The following RBFOX1 variants were observed in gnomAD, a reference collection of about 807,000 sequenced individuals.
RBFOX1 encodes RNA binding fox-1 homolog 1.
Under a neutral mutation model 57.7 loss-of-function variants are expected in RBFOX1, and 8 were observed. The observed-to-expected ratio is 0.14, with a 90% CI of 0.08 to 0.25. The LOEUF (loss-of-function observed/expected upper bound fraction) is 0.25. RBFOX1 is among the 10% of genes least tolerant of loss of function. RBFOX1 has a pLI of 1.00. For missense variants in RBFOX1, 611 were observed against 548.5 expected, an observed-to-expected ratio of 1.11 and a Z score of -1.14; for synonymous variants, 326 against 222.4, an observed-to-expected ratio of 1.47 and a Z score of -4.15.
chr16:6,227,881 G>A (rs111822259), intron 1 of RBFOX1, among the ~76,000 whole-genome samples: 2 of 152,250 alleles, frequency 1.3e-5, no homozygotes, highest in Non-Finnish European at 2.9e-5. Flanking sequence ...CAGTAGGGAG[G>A]TTCCTCAAAA....
intron 4 of RBFOX1, among the ~76,000 whole-genome samples, chr16:7,082,923 T>C (rs1413064597): frequency 1.3e-5 from 2 of 152,198 alleles, no homozygotes; most frequent in African/African-American, 2.4e-5. Flanking sequence ...CAACAAGAGT[T>C]GTAAATGTTT....
chr16:7,368,516 C>T (rs1489078616), intron 4 of RBFOX1, among the ~76,000 whole-genome samples: 1 of 151,974 alleles, frequency 6.6e-6, no homozygotes, highest in Non-Finnish European at 1.5e-5. Context: ...CAGTGGCTCA[C>T]ACCTGTAATC....
chr16:6,672,313 A>G (rs116454315), intron 3 of RBFOX1, among the ~76,000 whole-genome samples: 2,297 of 152,020 alleles, frequency 0.015, 36 homozygotes, highest in African/African-American at 0.048. Flanking sequence ...AAATAACCAT[A>G]CAAATATTGT....
chr16:7,122,268 C>G (rs1487945609), intron 4 of RBFOX1, among the ~76,000 whole-genome samples: 5 of 152,048 alleles, frequency 3.3e-5, no homozygotes, highest in Admixed American at 2.6e-4. Flanking sequence ...TGTTCAGTAT[C>G]TAGAATATAT....
At chr16:5,881,978 C>A (rs1398013893) in intron 4 of RBFOX1, among the ~76,000 whole-genome samples, 1 of 152,152 alleles carries the variant, frequency 6.6e-6, no homozygotes, top group African/African-American at 2.4e-5. Context: ...TCCCTTGGTG[C>A]CAGGTTTATT....
chr16:7,522,341 T>G (rs114833722), intron 5 of RBFOX1, among the ~76,000 whole-genome samples: 272 of 152,192 alleles, frequency 1.8e-3, no homozygotes, highest in African/African-American at 6.1e-3. Flanking sequence ...GAGGAACTAT[T>G]GAGTAAGACA....
chr16:5,640,367 A>G (rs2048818973), intron 3 of RBFOX1, among the ~76,000 whole-genome samples: 2 of 152,100 alleles, frequency 1.3e-5, no homozygotes, highest in Non-Finnish European at 2.9e-5. Flanking sequence ...GCATGTATGC[A>G]CATGTACATC....
intron 2 of RBFOX1, among the ~76,000 whole-genome samples, chr16:6,350,655 G>A (rs935507209): frequency 3.9e-5 from 6 of 152,054 alleles, no homozygotes; most frequent in Admixed American, 3.9e-4. Flanking sequence ...TCACTTCTCT[G>A]TTGATAATCA....
intron 4 of RBFOX1, among the ~76,000 whole-genome samples, chr16:7,310,104 C>G (rs939988148): frequency 1.3e-5 from 2 of 152,188 alleles, no homozygotes; most frequent in Non-Finnish European, 2.9e-5. Flanking sequence ...AGCTCTCAGG[C>G]ACAATGGCCC....
At chr16:6,573,210 A>G (rs2153956084) in intron 2 of RBFOX1, among the ~76,000 whole-genome samples, 1 of 152,260 alleles carries the variant, frequency 6.6e-6, no homozygotes, top group South Asian at 2.1e-4. Flanking sequence ...CTTTCAGTAG[A>G]CAACGTTAAA....
chr16:7,167,918 G>T (rs181655399), intron 4 of RBFOX1, among the ~76,000 whole-genome samples: 1 of 152,154 alleles, frequency 6.6e-6, no homozygotes, highest in Non-Finnish European at 1.5e-5. Flanking sequence ...TTATGTGCTT[G>T]TCTGGGGATG....
At chr16:6,150,059 A>G (rs191739215) in intron 1 of RBFOX1, among the ~76,000 whole-genome samples, 1 of 152,290 alleles carries the variant, frequency 6.6e-6, no homozygotes, top group Non-Finnish European at 1.5e-5. Context: ...GATTCTATGC[A>G]CTGTGGGGCA....
At chr16:6,908,558 G>C (rs1211002465) in intron 3 of RBFOX1, among the ~76,000 whole-genome samples, 1 of 152,202 alleles carries the variant, frequency 6.6e-6, no homozygotes, top group Non-Finnish European at 1.5e-5. Flanking sequence ...TTTTCAGAGT[G>C]CCAAGCATGT....
At chr16:6,750,847 A>G (rs970002720) in intron 3 of RBFOX1, among the ~76,000 whole-genome samples, 2 of 152,208 alleles carry the variant, frequency 1.3e-5, no homozygotes, top group African/African-American at 2.4e-5. Context: ...GTGTGTGATG[A>G]TGAAACCAGG....
chr16:6,205,142 A>G (rs777816418), intron 1 of RBFOX1, among the ~76,000 whole-genome samples: 1 of 152,124 alleles, frequency 6.6e-6, no homozygotes. Context: ...CTTAAATTGC[A>G]TTAGTGTGCT....
intron 2 of RBFOX1, among the ~76,000 whole-genome samples, chr16:6,382,730 G>A (rs1229206656): frequency 1.7e-4 from 26 of 152,222 alleles, no homozygotes; most frequent in African/African-American, 5.8e-4. Flanking sequence ...TGTGGTGGCA[G>A]GTGCCTGTAA....
chr16:7,489,329 C>T (rs756558323), intron 4 of RBFOX1, among the ~76,000 whole-genome samples: 3 of 152,088 alleles, frequency 2.0e-5, no homozygotes, highest in Non-Finnish European at 2.9e-5. Flanking sequence ...TACCTTTTGG[C>T]AAGTATTTCA....
chr16:7,030,998 A>G (rs1011125499), intron 3 of RBFOX1, among the ~76,000 whole-genome samples: 6 of 152,236 alleles, frequency 3.9e-5, no homozygotes, highest in Non-Finnish European at 7.3e-5. Context: ...ATGATCCTGC[A>G]GAAAGAGGAC....
At chr16:6,070,067 G>T (rs935469463) in intron 1 of RBFOX1, among the ~76,000 whole-genome samples, 20 of 152,128 alleles carry the variant, frequency 1.3e-4, no homozygotes, top group African/African-American at 4.3e-4. Context: ...AAATTCCATA[G>T]AATGGTTTTG....
Sources: gnomAD v4.1 joint callset for allele counts (sites outside exome capture counted in the v4.1 genomes callset) on GRCh38, gnomAD v4.1.1 for gene constraint, MANE v1.5 for transcripts, NCBI Gene and HGNC (gene_info 2026-07-23, HGNC 2026-07-21) for gene names.